Variants in VPS13A observed in about 807,000 individuals in gnomAD.
VPS13A encodes intermembrane lipid transfer protein VPS13A.
VPS13A carries 264 observed loss-of-function variants against 390.9 expected under a neutral mutation model. That is an observed-to-expected ratio of 0.68 (90% confidence interval 0.61 to 0.75). VPS13A has a LOEUF of 0.75. Among genes scored for constraint, VPS13A ranks in the 30% least tolerant of loss-of-function variants. The pLI, the probability that VPS13A is intolerant of heterozygous loss-of-function variation, is 0.00. For missense variants in VPS13A, 3,409 were observed against 3,733.9 expected (o/e 0.91, Z 2.27); for synonymous variants, 1,231 against 1,227.1 (o/e 1.00, Z -0.07).
Position 77,344,194 on chromosome 9 carries a change from T to C in VPS13A, c.7068T>C (p.Leu2356=). 1.2e-6 allele frequency: 2 copies of C among 1,612,086 alleles called. No individual in the cohort carries two copies. Among genetic ancestry groups the C allele is most frequent in the Non-Finnish European group, 1.7e-6 (2 of 1,178,330 alleles). Residue 2356 remains leucine (L), a synonymous_variant, in exon 51 of 72, where the codon CTT becomes CTC. Transcript: ENST00000360280. ...FWPEYASSKL[L]IQVERSEDPP... Reference sequence around the variant, plus strand: ...CTGAGTATGCTTCTAGTAAACTTCTTATTCAAGTCGAAAGGAGTGAAGATC... The same window carrying C: ...CTGAGTATGCTTCTAGTAAACTTCTCATTCAAGTCGAAAGGAGTGAAGATC...
Position 77,345,734 on chromosome 9 carries a change from C to T in VPS13A, c.7289+592C>T, listed in dbSNP as rs182908774. On this transcript the variant is annotated intron_variant, in intron 52 of 71. Coordinates refer to ENST00000360280, the MANE Select transcript of VPS13A (RefSeq NM_033305.3). ...TGTTTCCTTTCTTTCTTTCTTTTCA[C>T]CTGTTACTTTTCAACAAGCACATAT... is the stretch of plus-strand genomic sequence containing the variant. 3.2e-4 allele frequency among the ~76,000 whole-genome samples: 48 copies of T among 152,132 alleles called. 1 individual carries two copies. The highest frequency in any genetic ancestry group is 1.1e-3 in the African/African-American group (45 of 41,506).
chr9:77,377,380 C>T (rs1006639136), intron 67 of VPS13A, among the ~76,000 whole-genome samples: 7 of 151,122 alleles, frequency 4.6e-5, no homozygotes, highest in African/African-American at 9.7e-5. Context: ...CCACCGCGCC[C>T]GGCTAATTTT....
intron 35 of VPS13A, 86 bp downstream of exon 35, chr9:77,308,184 TTCCCTCCTTCCTCCCCTCTTTC>T: frequency 1.4e-6 from 2 of 1,402,020 alleles, no homozygotes; most frequent in Non-Finnish European, 2.0e-6. Context: ...CTTCTGTCTT[TTCCCTCCTTCCTCCCCTCTTTC>T]TCCCTCCTTT....
intron 13 of VPS13A, among the ~76,000 whole-genome samples, chr9:77,224,441 G>A (rs1222773339): frequency 6.6e-6 from 1 of 152,168 alleles, no homozygotes; most frequent in African/African-American, 2.4e-5. Context: ...TGAATCATGG[G>A]TGGAGGTCAA....
At chr9:77,331,020 C>T (rs1482455367) in intron 45 of VPS13A, among the ~76,000 whole-genome samples, 2 of 151,958 alleles carry the variant, frequency 1.3e-5, no homozygotes, top group South Asian at 2.1e-4. Flanking sequence ...TTCAGATATT[C>T]GAAGTGTAAC....
At chr9:77,251,829 A>G (rs1310347465) in intron 21 of VPS13A, among the ~76,000 whole-genome samples, 1 of 152,166 alleles carries the variant, frequency 6.6e-6, no homozygotes, top group Non-Finnish European at 1.5e-5. Flanking sequence ...TAGGCAAATT[A>G]TAAATTCTTT....
chr9:77,351,790 A>AC (rs988683792), intron 53 of VPS13A, among the ~76,000 whole-genome samples: 6 of 151,884 alleles, frequency 4.0e-5, no homozygotes, highest in African/African-American at 1.4e-4. Context: ...AATCGCTTGA[A>AC]CCCGGGAGGC....
At chr9:77,405,738 A>G (rs1834569797) in intron 69 of VPS13A, 126 bp from the exon 70 acceptor site, 6 of 1,230,650 alleles carry the variant, frequency 4.9e-6, no homozygotes. Flanking sequence ...ATTCATTAAG[A>G]ATATAGAATA....
intron 71 of VPS13A, among the ~76,000 whole-genome samples, chr9:77,411,282 C>G (rs1195964757): frequency 1.3e-5 from 2 of 152,016 alleles, no homozygotes; most frequent in Admixed American, 1.3e-4. Flanking sequence ...GGGACACATT[C>G]AAAGCAGTGT....
intron 45 of VPS13A, among the ~76,000 whole-genome samples, chr9:77,331,205 C>T (rs954163780): frequency 6.6e-6 from 1 of 151,984 alleles, no homozygotes. Flanking sequence ...TGAATGAATA[C>T]ACATGTGTAA....
chr9:77,400,823 GTCT>G (rs1834355219), intron 68 of VPS13A, among the ~76,000 whole-genome samples: 1 of 91,520 alleles, frequency 1.1e-5, no homozygotes, highest in Non-Finnish European at 2.3e-5. Context: ...GCGAGACTCT[GTCT>G]GAAAAAAAAA....
intron 1 of VPS13A, among the ~76,000 whole-genome samples, chr9:77,199,546 A>G (rs1825203679): frequency 6.6e-6 from 1 of 151,992 alleles, no homozygotes. Context: ...GTTTTTATTT[A>G]CGTATCTTGG....
Position 77,344,154 on chromosome 9 carries a change from G to T in VPS13A, c.7028G>T (p.Cys2343Phe), listed in dbSNP as rs1831003118. 1 of 1,590,406 alleles carries T rather than the reference G, an allele frequency of 6.3e-7. No homozygotes were observed. The highest frequency in any genetic ancestry group is 1.3e-5 in the African/African-American group (1 of 74,304). ...AAACATATATAATGTATATTTTAGT[G>T]TATCCCCTTTTGGCCTGAGTATGCT... ...DKWLSLDLEQCIPFWPEYASS... is the reference protein window; with the variant it reads ...DKWLSLDLEQFIPFWPEYASS... The change falls in exon 51 of 72, where the codon TGT becomes TTT. Residue 2343 changes from cysteine (C) to phenylalanine (F), a missense_variant and splice_region_variant. By Grantham distance (205) the Cys-to-Phe change is radical. Coordinates refer to ENST00000360280, the MANE Select transcript of VPS13A (RefSeq NM_033305.3).
chr9:77,385,069 G>A (rs1833622801), intron 68 of VPS13A: 1 of 1,003,694 alleles, frequency 1.0e-6, no homozygotes, highest in Non-Finnish European at 1.2e-6. Flanking sequence ...GGGCTTTAAT[G>A]TAATGCCACT....
chr9:77,337,994 G>A (rs928286937), intron 47 of VPS13A: 1 of 156,110 alleles, frequency 6.4e-6, no homozygotes, highest in African/African-American at 2.4e-5. Context: ...AAATTTTTTT[G>A]AGACTAGGTT....
chr9:77,182,295 C>T (rs1754596453), intron 1 of VPS13A, among the ~76,000 whole-genome samples: 1 of 152,056 alleles, frequency 6.6e-6, no homozygotes, highest in Admixed American at 6.6e-5. Flanking sequence ...CATTTCACCA[C>T]GTCAACCAGG....
At chr9:77,364,026 G>A (rs941565009) in intron 59 of VPS13A, among the ~76,000 whole-genome samples, 2 of 152,004 alleles carry the variant, frequency 1.3e-5, no homozygotes, top group East Asian at 3.9e-4. Context: ...TGCTGGCATG[G>A]AACCACCACA....
intron 1 of VPS13A, among the ~76,000 whole-genome samples, chr9:77,190,557 A>G (rs1226110599): frequency 6.6e-6 from 1 of 152,152 alleles, no homozygotes; most frequent in East Asian, 1.9e-4. Flanking sequence ...TGTCTCTGCC[A>G]GGTTTTGTTA....
At chr9:77,337,793 A>T (rs940273132) in intron 47 of VPS13A, 2 of 362,380 alleles carry the variant, frequency 5.5e-6, no homozygotes, top group Non-Finnish European at 9.8e-6. Context: ...AAAAGATTGT[A>T]TACTTTGTGA....
Sources: allele counts gnomAD v4.1 joint callset (sites outside exome capture counted in the v4.1 genomes callset), GRCh38; gene constraint gnomAD v4.1.1; transcripts MANE v1.5; gene names NCBI Gene and HGNC (gene_info 2026-07-23, HGNC 2026-07-21).